ZNF563: variants seen among roughly 807,000 people sequenced by gnomAD.
The protein encoded by ZNF563 is zinc finger protein 563.
Under a neutral mutation model 48.5 loss-of-function variants are expected in ZNF563, and 39 were observed. The ratio of observed to expected loss-of-function variants is 0.80; its 90% CI spans 0.62 to 1.05. ZNF563 has a LOEUF of 1.05. ZNF563 is among the 50% of genes least tolerant of loss of function. The probability of loss-of-function intolerance (pLI) is 0.00; values close to 1 mark genes in which losing one functional copy is unlikely to be tolerated. For missense variants in ZNF563, 538 were observed against 597.0 expected (o/e 0.90, Z 1.03); for synonymous variants, 168 against 187.9 (o/e 0.89, Z 0.87).
chr19:12,329,264 G>A (rs1968865990), intron 1 of ZNF563, among the ~76,000 whole-genome samples: 1 of 152,154 alleles, frequency 6.6e-6, no homozygotes, highest in Non-Finnish European at 1.5e-5. Context: ...ACGAGGTCAG[G>A]AGTTCGAGAC....
intron 3 of ZNF563, 94 bp downstream of exon 3, chr19:12,321,178 A>T: frequency 1.1e-6 from 1 of 881,120 alleles, no homozygotes; most frequent in Non-Finnish European, 1.7e-6. Flanking sequence ...AAATAAATTT[A>T]AGCTGGACTT....
chr19:12,330,772 A>T (rs753328897), intron 1 of ZNF563, among the ~76,000 whole-genome samples: 4 of 152,208 alleles, frequency 2.6e-5, no homozygotes, highest in Non-Finnish European at 5.9e-5. Flanking sequence ...GCCTGTTTTC[A>T]TGAATTTTTA....
chr19:12,320,481 A>G (rs779023796), intron 3 of ZNF563, among the ~76,000 whole-genome samples: 2 of 151,886 alleles, frequency 1.3e-5, no homozygotes, highest in Non-Finnish European at 2.9e-5. Context: ...AGCTGGAACC[A>G]TAGGTGTGCA....
At chr19:12,340,618 A>C in the ZNF563 span, among the ~76,000 whole-genome samples, 7 of 152,260 alleles carry the variant, frequency 4.6e-5, no homozygotes, top group Middle Eastern at 0.01. Context: ...TACTGAAAAA[A>C]ATACAAAAAT....
the ZNF563 span, among the ~76,000 whole-genome samples, chr19:12,343,111 C>A: frequency 6.6e-6 from 1 of 151,724 alleles, no homozygotes; most frequent in Non-Finnish European, 1.5e-5. Flanking sequence ...GCAGGAGAAT[C>A]GCTTGAACCG....
upstream of ZNF563, among the ~76,000 whole-genome samples, chr19:12,334,062 C>T (rs537956203): frequency 6.6e-6 from 1 of 152,308 alleles, no homozygotes; most frequent in South Asian, 2.1e-4. Context: ...GCCACACAGG[C>T]CACACTGCAG....
upstream of ZNF563, chr19:12,333,668 C>T: frequency 1.2e-6 from 1 of 857,590 alleles, no homozygotes; most frequent in Non-Finnish European, 1.7e-6. Flanking sequence ...GTGAAGACGC[C>T]GCGGGCTCTT....
intron 1 of ZNF563, among the ~76,000 whole-genome samples, chr19:12,324,088 T>C (rs7246738): frequency 0.21 from 31,638 of 152,172 alleles, 3,627 homozygotes; most frequent in African/African-American, 0.3. Context: ...CTAGGTACCA[T>C]GGCTCATGCC....
At chr19:12,343,199 G>C in the ZNF563 span, among the ~76,000 whole-genome samples, 3 of 147,886 alleles carry the variant, frequency 2.0e-5, no homozygotes, top group African/African-American at 7.4e-5. Context: ...TGTCTCAAAA[G>C]GAAAAAAAAA....
At chr19:12,344,841 A>T in the ZNF563 span, among the ~76,000 whole-genome samples, 1 of 152,248 alleles carries the variant, frequency 6.6e-6, no homozygotes. Context: ...AGGGAAAAAT[A>T]AAATTTTACA....
At chr19:12,328,036 A>G (rs1296867156) in intron 1 of ZNF563, among the ~76,000 whole-genome samples, 5 of 152,240 alleles carry the variant, frequency 3.3e-5, no homozygotes, top group African/African-American at 1.2e-4. Flanking sequence ...GGCTGAAATC[A>G]ATAGCACTAT....
chr19:12,318,827 T>C lies in ZNF563; in HGVS notation c.1198A>G (p.Lys400Glu). 1 of 1,614,162 alleles carries C rather than the reference T, an allele frequency of 6.2e-7. No homozygotes were observed. Among genetic ancestry groups the C allele is most frequent in the African/African-American group, 1.3e-5 (1 of 75,058 alleles). The stretch of plus-strand genomic sequence containing the variant: ...CATACACTAGGATAAACAAAAGCTT[T>C]CCCACATATCTTGCATTTATGAGGT... ...GGPHKCKICG[K>E]AFVYPSVCQR... The change falls in exon 4 of 4, where the codon AAA (lysine) becomes GAA (glutamate). Residue 400 changes from lysine to glutamate, a missense_variant. Coordinates refer to ENST00000293725, the MANE Select transcript of ZNF563 (RefSeq NM_145276.3).
chr19:12,318,761 C>A lies in ZNF563; in HGVS notation c.1264G>T (p.Glu422Ter). 1 of 1,614,160 alleles carries A rather than the reference C, an allele frequency of 6.2e-7. No individual in the cohort carries two copies. Among genetic ancestry groups the A allele is most frequent in the Middle Eastern group, 1.6e-4 (1 of 6,062 alleles). The change falls in exon 4 of 4, where the codon GAA (glutamate) becomes TAA (stop). Residue 422 changes from glutamate (E) to a stop codon, truncating the protein, a stop_gained. Coordinates refer to ENST00000293725, the MANE Select transcript of ZNF563 (RefSeq NM_145276.3). LOFTEE classifies it high-confidence loss of function. The part of the protein sequence containing the change: ...EKSHSGEKPY[E>*]CKQCGKALSH... ...AACGCTTTCCCACACTGCTTGCATT[C>A]ATAGGGTTTCTCTCCACTGTGAGAC...
chr19:12,330,731 C>T (rs1397045463), intron 1 of ZNF563, among the ~76,000 whole-genome samples: 2 of 152,180 alleles, frequency 1.3e-5, no homozygotes, highest in African/African-American at 2.4e-5. Flanking sequence ...CCTAACACCT[C>T]CATATACAAT....
rs145965504 is a variant in ZNF563 at position 12,319,413 on chromosome 19, T to C, written c.612A>G (p.Lys204=). 1.9e-3 allele frequency: 3,027 copies of C among 1,614,204 alleles called. 8 individuals are homozygous for C. The highest frequency in any genetic ancestry group is 2.2e-3 in the Non-Finnish European group (2,572 of 1,180,030). ...GTAATAAACTGGGCCAAAAAAAAGC[T>C]TTCCCACACAACTTACATTTATAAG... ...NRPYKCKLCG[K]AFFWPSLLRM... The change falls in exon 4 of 4, where the codon AAA becomes AAG. Residue 204 remains lysine (K), a synonymous_variant. Transcript: ENST00000293725.
At chr19:12,324,581 A>T (rs991575686) in intron 1 of ZNF563, among the ~76,000 whole-genome samples, 3 of 151,846 alleles carry the variant, frequency 2.0e-5, no homozygotes, top group African/African-American at 7.3e-5. Flanking sequence ...GCCAGGCGTG[A>T]TGGCGCATGC....
chr19:12,344,303 G>T, the ZNF563 span, among the ~76,000 whole-genome samples: 1 of 149,176 alleles, frequency 6.7e-6, no homozygotes, highest in Non-Finnish European at 1.5e-5. Flanking sequence ...TGAGGCAGGA[G>T]TATCACCTGA....
chr19:12,332,440 T>G (rs976585233), intron 1 of ZNF563, among the ~76,000 whole-genome samples: 2 of 148,958 alleles, frequency 1.3e-5, no homozygotes, highest in South Asian at 2.1e-4. Context: ...AACCTCCGCC[T>G]CATGGGTTCA....
At chr19:12,334,387 C>T (rs1968992851), upstream of ZNF563, among the ~76,000 whole-genome samples, 1 of 151,098 alleles carries the variant, frequency 6.6e-6, no homozygotes, top group African/African-American at 2.5e-5. Flanking sequence ...AAACATATGC[C>T]CAAACTTGGC....
Sources: gnomAD v4.1 joint callset for allele counts (sites outside exome capture counted in the v4.1 genomes callset) on GRCh38, gnomAD v4.1.1 for gene constraint, MANE v1.5 for transcripts, NCBI Gene and HGNC (gene_info 2026-07-23, HGNC 2026-07-21) for gene names.